The following SLC44A5 variants were observed in gnomAD, a reference collection of about 807,000 sequenced individuals.
The protein encoded by SLC44A5 is solute carrier family 44 member 5.
Under a neutral mutation model 101.8 loss-of-function variants are expected in SLC44A5, and 57 were observed. That is an observed-to-expected ratio of 0.56 (90% CI 0.45 to 0.70). SLC44A5 has a LOEUF of 0.70. SLC44A5 is among the 30% of genes least tolerant of loss of function. SLC44A5 has a pLI of 0.00. For synonymous variants in SLC44A5, 281 were observed against 290.9 expected (o/e 0.97, Z 0.35); for missense variants, 737 against 853.1 (o/e 0.86, Z 1.70).
chr1:75,281,958 C>T (rs1291919884), intron 5 of SLC44A5, among the ~76,000 whole-genome samples: 1 of 152,160 alleles, frequency 6.6e-6, no homozygotes, highest in Non-Finnish European at 1.5e-5. Flanking sequence ...TCAGAACCTC[C>T]ACTGGGGCAT....
At chr1:75,588,655 C>CGGCATGATA (rs1253148814) in intron 1 of SLC44A5, among the ~76,000 whole-genome samples, 3 of 151,966 alleles carry the variant, frequency 2.0e-5, no homozygotes, top group African/African-American at 7.3e-5. Context: ...ACATTGTACC[C>CGGCATGATA]GGCATGATAG....
chr1:75,609,335 T>A (rs1030049093), intron 1 of SLC44A5, among the ~76,000 whole-genome samples: 7 of 151,950 alleles, frequency 4.6e-5, no homozygotes, highest in African/African-American at 1.7e-4. Context: ...CAAGTAAAAA[T>A]TTATATATTT....
chr1:75,387,281 A>T (rs1661428763), intron 3 of SLC44A5, among the ~76,000 whole-genome samples: 1 of 150,846 alleles, frequency 6.6e-6, no homozygotes, highest in Non-Finnish European at 1.5e-5. Context: ...GCAACCTACA[A>T]AATGGGAGAA....
chr1:75,269,803 C>T (rs989558443), intron 6 of SLC44A5, among the ~76,000 whole-genome samples: 2 of 151,948 alleles, frequency 1.3e-5, no homozygotes, highest in Admixed American at 6.6e-5. Flanking sequence ...AATATTTTCC[C>T]TTGATACCAT....
intron 23 of SLC44A5, chr1:75,205,596 C>CA (rs999962766): frequency 6.6e-6 from 1 of 152,166 alleles, no homozygotes; most frequent in African/African-American, 2.4e-5. Context: ...TCCTAACCCA[C>CA]AGTATGCCCC....
the SLC44A5 span, among the ~76,000 whole-genome samples, chr1:75,684,182 TG>T: frequency 1.3e-5 from 2 of 152,140 alleles, no homozygotes; most frequent in Non-Finnish European, 2.9e-5. Context: ...GAGAACAGTA[TG>T]GGGGAAACTG....
chr1:75,575,645 C>G (rs1203625765), intron 1 of SLC44A5, among the ~76,000 whole-genome samples: 1 of 152,174 alleles, frequency 6.6e-6, no homozygotes, highest in Non-Finnish European at 1.5e-5. Context: ...CACACTTACA[C>G]TATCCTACTT....
intron 4 of SLC44A5, among the ~76,000 whole-genome samples, chr1:75,304,671 T>C (rs918705790): frequency 2.6e-5 from 4 of 152,218 alleles, no homozygotes; most frequent in African/African-American, 9.7e-5. Context: ...TAGACAGCTA[T>C]TGAGATAACT....
At chr1:75,387,146 T>A (rs377409557) in intron 3 of SLC44A5, among the ~76,000 whole-genome samples, 29,455 of 151,496 alleles carry the variant, frequency 0.19, 3,064 homozygotes, top group Non-Finnish European at 0.24. Context: ...GGACATAGGC[T>A]TGTGCAAGGA....
chr1:75,706,567 A>G, the SLC44A5 span, among the ~76,000 whole-genome samples: 1 of 152,068 alleles, frequency 6.6e-6, no homozygotes, highest in African/African-American at 2.4e-5. Flanking sequence ...TTTTTTCAAT[A>G]TATCTGTTAT....
chr1:75,466,292 T>C (rs1177864680), intron 2 of SLC44A5, among the ~76,000 whole-genome samples: 2 of 152,202 alleles, frequency 1.3e-5, no homozygotes, highest in African/African-American at 4.8e-5. Context: ...ATCATTTCAA[T>C]TGATGCTGAA....
At chr1:75,277,407 T>G (rs186792739) in intron 5 of SLC44A5, among the ~76,000 whole-genome samples, 1 of 152,286 alleles carries the variant, frequency 6.6e-6, no homozygotes, top group African/African-American at 2.4e-5. Context: ...CAGAGTTTAA[T>G]TTATCACTCA....
chr1:75,629,301 G>A, the SLC44A5 span, among the ~76,000 whole-genome samples: 3 of 152,104 alleles, frequency 2.0e-5, no homozygotes, highest in African/African-American at 7.2e-5. Flanking sequence ...CATAAAACAA[G>A]CTAATGACAT....
intron 2 of SLC44A5, among the ~76,000 whole-genome samples, chr1:75,487,322 T>C (rs1206380705): frequency 6.6e-6 from 1 of 152,166 alleles, no homozygotes; most frequent in African/African-American, 2.4e-5. Flanking sequence ...TCAGAAGTGA[T>C]GATACTTGGC....
chr1:75,477,044 T>TC (rs1385363078), intron 2 of SLC44A5, among the ~76,000 whole-genome samples: 1 of 152,154 alleles, frequency 6.6e-6, no homozygotes, highest in Non-Finnish European at 1.5e-5. Context: ...CCGGTACTCC[T>TC]CTGAGACAAA....
the SLC44A5 span, among the ~76,000 whole-genome samples, chr1:75,655,841 A>G: frequency 5.1e-4 from 78 of 152,294 alleles, no homozygotes; most frequent in Non-Finnish European, 9.4e-4. Flanking sequence ...TAGAAAGTTT[A>G]TTCAAAGAAA....
At chr1:75,715,405 G>T in the SLC44A5 span, among the ~76,000 whole-genome samples, 1 of 152,076 alleles carries the variant, frequency 6.6e-6, no homozygotes, top group Non-Finnish European at 1.5e-5. Flanking sequence ...ATACTACAAG[G>T]CTACAGTAAC....
intron 2 of SLC44A5, among the ~76,000 whole-genome samples, chr1:75,450,660 C>G (rs1290464385): frequency 6.6e-6 from 1 of 152,176 alleles, no homozygotes; most frequent in Non-Finnish European, 1.5e-5. Flanking sequence ...TGAAACGGGT[C>G]TATGTACGCT....
chr1:75,272,701 G>A (rs753477113), intron 6 of SLC44A5, among the ~76,000 whole-genome samples: 2 of 152,082 alleles, frequency 1.3e-5, no homozygotes, highest in African/African-American at 2.4e-5. Context: ...TGGGTGTTAA[G>A]TATTTGGCTT....
Sources: allele counts gnomAD v4.1 joint callset (sites outside exome capture counted in the v4.1 genomes callset), GRCh38; gene constraint gnomAD v4.1.1; transcripts MANE v1.5; gene names NCBI Gene and HGNC (gene_info 2026-07-23, HGNC 2026-07-21).